Variants in EPHA3 observed in about 807,000 individuals in gnomAD.
The protein encoded by EPHA3 is EPH receptor A3.
A neutral mutation model predicts 107.1 loss-of-function variants in EPHA3; 42 were observed. The ratio of observed to expected loss-of-function variants is 0.39; its 90% CI spans 0.31 to 0.51. EPHA3 has a LOEUF of 0.51. Ranked by LOEUF, EPHA3 falls within the 20% of genes least tolerant of loss-of-function variation. The pLI, the probability that EPHA3 is intolerant of heterozygous loss-of-function variation, is 0.78. For synonymous variants in EPHA3, 461 were observed against 424.8 expected, an observed-to-expected ratio of 1.09 and a Z score of -1.05; for missense variants, 1,183 against 1,211.2, an observed-to-expected ratio of 0.98 and a Z score of 0.35.
Position 89,480,685 on chromosome 3 carries a change from C to T in EPHA3, c.*1183C>T, listed in dbSNP as rs1312028503. The T allele has an allele frequency of 4.3e-6, 1 of 232,034 alleles. No homozygotes were observed. Among genetic ancestry groups the T allele is most frequent in the Non-Finnish European group, 8.5e-6 (1 of 117,310 alleles). The allele number at this position is 232,034 out of a possible 1,614,324, so 14.4% of individuals were successfully genotyped here. A position where few individuals can be genotyped will look rare whatever the true frequency, so the allele number is the denominator to read the frequency against. On this transcript the variant is annotated 3_prime_UTR_variant, in exon 17 of 17. Transcript: ENST00000336596. ...CACTTACTATTGTTGCTGAAACTTGCTGAGCTGTTTATAGAGAATGATGAT... is the reference window on the plus strand; with the variant it reads ...CACTTACTATTGTTGCTGAAACTTGTTGAGCTGTTTATAGAGAATGATGAT...
intron 3 of EPHA3, among the ~76,000 whole-genome samples, chr3:89,271,012 T>TA (rs1162368494): frequency 3.9e-5 from 6 of 151,936 alleles, no homozygotes; most frequent in African/African-American, 1.4e-4. Flanking sequence ...TTAATCAAGT[T>TA]AAAAAAACTG....
At chr3:89,235,973 A>C (rs1212212261) in intron 3 of EPHA3, among the ~76,000 whole-genome samples, 1 of 152,120 alleles carries the variant, frequency 6.6e-6, no homozygotes, top group Non-Finnish European at 1.5e-5. Context: ...TAAACATGGG[A>C]AGAAATGTTC....
chr3:89,185,804 G>A (rs1705550011), intron 2 of EPHA3, among the ~76,000 whole-genome samples: 2 of 152,006 alleles, frequency 1.3e-5, no homozygotes, highest in South Asian at 4.1e-4. Context: ...TTATACCCAG[G>A]GGTGTGGTCA....
intron 2 of EPHA3, among the ~76,000 whole-genome samples, chr3:89,201,286 A>G (rs1179634266): frequency 6.6e-6 from 1 of 152,082 alleles, no homozygotes; most frequent in Non-Finnish European, 1.5e-5. Flanking sequence ...CCCATGGTCC[A>G]ATCACCTCCC....
intron 9 of EPHA3, among the ~76,000 whole-genome samples, chr3:89,410,319 C>T (rs1199907921): frequency 1.3e-5 from 2 of 151,802 alleles, no homozygotes; most frequent in African/African-American, 4.8e-5. Context: ...ATCCATCATA[C>T]ATATATTCTC....
chr3:89,153,505 T>C (rs1704731803), intron 2 of EPHA3, among the ~76,000 whole-genome samples: 1 of 152,076 alleles, frequency 6.6e-6, no homozygotes, highest in Non-Finnish European at 1.5e-5. Flanking sequence ...CACTTCTTCC[T>C]TCCAGGTATC....
At chr3:89,207,883 G>A (rs1706144325) in intron 2 of EPHA3, among the ~76,000 whole-genome samples, 1 of 152,130 alleles carries the variant, frequency 6.6e-6, no homozygotes, top group African/African-American at 2.4e-5. Flanking sequence ...CAGTGAATAT[G>A]AAGAGACCTG....
intron 3 of EPHA3, among the ~76,000 whole-genome samples, chr3:89,317,436 A>T (rs1706934715): frequency 6.6e-6 from 1 of 151,706 alleles, no homozygotes; most frequent in Non-Finnish European, 1.5e-5. Flanking sequence ...GTGGAGAGGG[A>T]TATGTGTAAA....
intron 3 of EPHA3, among the ~76,000 whole-genome samples, chr3:89,312,346 T>C (rs1400446207): frequency 6.6e-6 from 1 of 151,206 alleles, no homozygotes; most frequent in East Asian, 1.9e-4. Context: ...TGAGAGTTCA[T>C]TCGCAGTTAC....
chr3:89,416,498 A>G (rs1343089772), intron 10 of EPHA3, among the ~76,000 whole-genome samples: 1 of 151,366 alleles, frequency 6.6e-6, no homozygotes, highest in Non-Finnish European at 1.5e-5. Flanking sequence ...TTATTGAGAT[A>G]CAATTTACCA....
chr3:89,340,398 C>G (rs955746337), intron 3 of EPHA3, among the ~76,000 whole-genome samples: 1 of 152,150 alleles, frequency 6.6e-6, no homozygotes, highest in Non-Finnish European at 1.5e-5. Flanking sequence ...AATATTGTAG[C>G]TCATGAAAAT....
chr3:89,181,312 A>G (rs531507934), intron 2 of EPHA3, among the ~76,000 whole-genome samples: 4 of 152,030 alleles, frequency 2.6e-5, no homozygotes, highest in Non-Finnish European at 5.9e-5. Context: ...AGATATATTA[A>G]ATAAATGAAT....
intron 9 of EPHA3, among the ~76,000 whole-genome samples, chr3:89,412,151 G>T (rs1460433422): frequency 2.0e-5 from 3 of 151,354 alleles, no homozygotes; most frequent in Non-Finnish European, 4.4e-5. Flanking sequence ...TAAAACTCAG[G>T]GTTTTTGTTT....
intron 6 of EPHA3, among the ~76,000 whole-genome samples, chr3:89,397,557 A>G (rs1157974408): frequency 6.6e-6 from 1 of 151,616 alleles, no homozygotes; most frequent in Non-Finnish European, 1.5e-5. Context: ...AACTCCCTCA[A>G]CAAATGCAAC....
chr3:89,448,561 C>T (rs1485165897), intron 13 of EPHA3, among the ~76,000 whole-genome samples: 1 of 151,964 alleles, frequency 6.6e-6, no homozygotes. Context: ...TATTATTTTC[C>T]TCTAAATTAT....
At chr3:89,236,574 A>C (rs1347471368) in intron 3 of EPHA3, among the ~76,000 whole-genome samples, 8 of 83,102 alleles carry the variant, frequency 9.6e-5, no homozygotes, top group African/African-American at 4.3e-4. Flanking sequence ...CACTCTGGGG[A>C]CTGTTGTGGG....
intron 2 of EPHA3, among the ~76,000 whole-genome samples, chr3:89,209,345 G>C (rs547700738): frequency 6.6e-6 from 1 of 151,958 alleles, no homozygotes; most frequent in African/African-American, 2.4e-5. Flanking sequence ...CATGTCCATT[G>C]AAATGACAGT....
chr3:89,226,409 C>T (rs1352949194), intron 3 of EPHA3, among the ~76,000 whole-genome samples: 2 of 152,016 alleles, frequency 1.3e-5, no homozygotes, highest in South Asian at 2.1e-4. Flanking sequence ...TATGGGGAAA[C>T]GTTAGCTATC....
intron 3 of EPHA3, among the ~76,000 whole-genome samples, chr3:89,310,945 T>C (rs1399389779): frequency 6.6e-6 from 1 of 152,028 alleles, no homozygotes; most frequent in Non-Finnish European, 1.5e-5. Context: ...CCAAAATGCC[T>C]AGGTTCTTAT....
Sources: gnomAD v4.1 joint callset for allele counts (sites outside exome capture counted in the v4.1 genomes callset) on GRCh38, gnomAD v4.1.1 for gene constraint, MANE v1.5 for transcripts, NCBI Gene and HGNC (gene_info 2026-07-23, HGNC 2026-07-21) for gene names.